Variants in ZEB1 observed in about 807,000 individuals in gnomAD.
The protein encoded by ZEB1 is zinc finger E-box binding homeobox 1, also known as zinc finger E-box-binding homeobox 1.
ZEB1 carries 21 observed loss-of-function variants against 84.9 expected under a neutral mutation model. That is an observed-to-expected ratio of 0.25 (90% CI 0.18 to 0.36). The LOEUF (loss-of-function observed/expected upper bound fraction) is 0.36, where lower values mean the gene tolerates loss of function less well. Among genes scored for constraint, ZEB1 ranks in the 10% least tolerant of loss-of-function variants. ZEB1 has a pLI of 1.00. For synonymous variants in ZEB1, 420 were observed against 471.1 expected, an observed-to-expected ratio of 0.89 and a Z score of 1.41; for missense variants, 1,104 against 1,330.2, an observed-to-expected ratio of 0.83 and a Z score of 2.65.
intron 1 of ZEB1, among the ~76,000 whole-genome samples, chr10:31,354,633 A>C (rs941285511): frequency 1.3e-5 from 2 of 152,112 alleles, no homozygotes; most frequent in African/African-American, 4.8e-5. Flanking sequence ...TATTTAATTA[A>C]AATTTTTTTA....
intron 1 of ZEB1, among the ~76,000 whole-genome samples, chr10:31,328,480 A>T (rs2036068985): frequency 6.6e-6 from 1 of 152,192 alleles, no homozygotes. Context: ...ATCTTGGATC[A>T]GCTGACAATT....
rs974685735 is a variant in ZEB1, at chr10:31,321,398, C to T, written c.58+2106C>T. 1.5e-5 allele frequency: 24 copies of T among 1,598,940 alleles called. No individual in the cohort carries two copies. The African/African-American group carries it at 2.8e-4, about 19-fold the overall frequency. ...TAAACGAAAGGTATTTTGGTATTCTCATTGTGGAGAGATGACTTGTTATAG... is the reference window on the plus strand; with the variant it reads ...TAAACGAAAGGTATTTTGGTATTCTTATTGTGGAGAGATGACTTGTTATAG... On this transcript the variant is annotated intron_variant, in intron 1 of 8. Coordinates refer to ENST00000424869, the MANE Select transcript of ZEB1 (RefSeq NM_001174096.2).
chr10:31,341,293 T>C (rs953131988), intron 1 of ZEB1, among the ~76,000 whole-genome samples: 14 of 152,110 alleles, frequency 9.2e-5, no homozygotes, highest in Non-Finnish European at 1.9e-4. Flanking sequence ...AGGGAGTAGA[T>C]TTCAGAGTCT....
chr10:31,527,935 C>A lies in ZEB1; in HGVS notation c.*671C>A, dbSNP rs2073778702. 6.6e-6 allele frequency: 1 copy of A among 152,316 alleles called. No individual in the cohort carries two copies. Among genetic ancestry groups the A allele is most frequent in the Non-Finnish European group, 1.5e-5 (1 of 68,092 alleles). 9.4% of individuals were successfully genotyped at this position (152,316 alleles called of 1,614,324 possible). A position where few individuals can be genotyped will look rare whatever the true frequency, so the allele number is the denominator to read the frequency against. On this transcript the variant is annotated 3_prime_UTR_variant, in exon 9 of 9. Transcript: ENST00000424869. ...CTTAAGAAAGCAGCTGATAGAAGAA[C>A]TGAAGTTTCTTACTCACGTGGTTTA...
chr10:31,433,281 G>A (rs563173124), intron 1 of ZEB1, among the ~76,000 whole-genome samples: 56 of 152,170 alleles, frequency 3.7e-4, no homozygotes, highest in Non-Finnish European at 5.1e-4. Context: ...ACTAATAGCA[G>A]CACCAATCTC....
intron 2 of ZEB1, among the ~76,000 whole-genome samples, chr10:31,472,400 C>A (rs867058563): frequency 0.015 from 2,345 of 152,208 alleles, 62 homozygotes; most frequent in African/African-American, 0.053. Context: ...CACAGAAATA[C>A]AAACTACCAT....
intron 4 of ZEB1, among the ~76,000 whole-genome samples, chr10:31,505,039 ACGT>A (rs1432788595): frequency 6.6e-6 from 1 of 152,028 alleles, no homozygotes; most frequent in Non-Finnish European, 1.5e-5. Flanking sequence ...TCTTAGAGGG[ACGT>A]CTGTCAGCTT....
chr10:31,510,973 A>G, intron 5 of ZEB1, 98 bp downstream of exon 5: 2 of 1,182,248 alleles, frequency 1.7e-6, no homozygotes, highest in South Asian at 1.3e-5. Context: ...AGTTAAAAGA[A>G]TGTACTAAAC....
chr10:31,425,101 T>C (rs891983353), intron 1 of ZEB1, among the ~76,000 whole-genome samples: 16 of 152,064 alleles, frequency 1.1e-4, no homozygotes, highest in African/African-American at 3.1e-4. Flanking sequence ...TTAGAACTCC[T>C]GAAGAAATTT....
intron 3 of ZEB1, among the ~76,000 whole-genome samples, chr10:31,501,832 G>A (rs994261893): frequency 9.9e-5 from 15 of 152,036 alleles, no homozygotes; most frequent in Admixed American, 3.9e-4. Context: ...GGTCTCCCTC[G>A]CTCGCTCTCA....
chr10:31,397,725 G>A (rs1053431347), intron 1 of ZEB1, among the ~76,000 whole-genome samples: 5 of 152,144 alleles, frequency 3.3e-5, no homozygotes, highest in African/African-American at 1.2e-4. Context: ...TTTAAAAAAG[G>A]ATTGTAAGGG....
chr10:31,364,238 C>CA (rs927448743), intron 1 of ZEB1, among the ~76,000 whole-genome samples: 5 of 152,260 alleles, frequency 3.3e-5, no homozygotes, highest in Admixed American at 6.5e-5. Context: ...CAAGAGGAGT[C>CA]AAAGGGCAAA....
chr10:31,396,846 T>A (rs2050821207), intron 1 of ZEB1, among the ~76,000 whole-genome samples: 1 of 152,180 alleles, frequency 6.6e-6, no homozygotes, highest in Non-Finnish European at 1.5e-5. Context: ...TCAGTATCCA[T>A]GGATAGGCTT....
intron 1 of ZEB1, chr10:31,319,899 G>GGCGGCGGCGGCGGCGGGACGGGGCGGCC (rs1564443586): frequency 2.0e-5 from 3 of 146,870 alleles, no homozygotes; most frequent in Admixed American, 6.8e-5. Context: ...GGCGGGCTGC[G>GGCGGCGGCGGCGGCGGGACGGGGCGGCC]GCGGCGGCGG....
intron 1 of ZEB1, among the ~76,000 whole-genome samples, chr10:31,368,813 G>A (rs2045109267): frequency 6.6e-6 from 1 of 152,154 alleles, no homozygotes; most frequent in Admixed American, 6.5e-5. Context: ...GGTGGCTGTG[G>A]TGGTGGTATG....
intron 1 of ZEB1, among the ~76,000 whole-genome samples, chr10:31,408,008 C>T (rs1395220447): frequency 6.7e-6 from 1 of 148,816 alleles, no homozygotes; most frequent in African/African-American, 2.5e-5. Context: ...TTGTCTCAGC[C>T]CAAAATCTCC....
chr10:31,382,006 CAAAAAAAAAA>C (rs535534850), intron 1 of ZEB1, among the ~76,000 whole-genome samples: 5,694 of 40,694 alleles, frequency 0.14, 369 homozygotes, highest in East Asian at 0.37. Flanking sequence ...GAGACTGTCT[CAAAAAAAAAA>C]AAAAAAAAAA....
intron 1 of ZEB1, among the ~76,000 whole-genome samples, chr10:31,333,351 A>C (rs1211995572): frequency 6.6e-6 from 1 of 152,154 alleles, no homozygotes; most frequent in Admixed American, 6.5e-5. Context: ...GTTTCTGATC[A>C]CCACATTCTC....
intron 2 of ZEB1, among the ~76,000 whole-genome samples, chr10:31,491,062 A>C (rs1299558331): frequency 6.6e-6 from 1 of 151,680 alleles, no homozygotes; most frequent in East Asian, 1.9e-4. Flanking sequence ...CACACATGAG[A>C]AGTTTGAGCA....
Sources: allele counts gnomAD v4.1 joint callset (sites outside exome capture counted in the v4.1 genomes callset), GRCh38; gene constraint gnomAD v4.1.1; transcripts MANE v1.5; gene names NCBI Gene and HGNC (gene_info 2026-07-23, HGNC 2026-07-21).